ASIC2: variants seen among roughly 807,000 people sequenced by gnomAD.
ASIC2 encodes the protein acid sensing ion channel subunit 2.
ASIC2 carries 25 observed loss-of-function variants against 57.3 expected under a neutral mutation model. The ratio of observed to expected loss-of-function variants is 0.44; its 90% CI spans 0.32 to 0.61. The LOEUF is 0.61. Among genes scored for constraint, ASIC2 ranks in the 20% least tolerant of loss-of-function variants. ASIC2 has a pLI of 0.06. For missense variants in ASIC2, 641 were observed against 738.1 expected (o/e 0.87, Z 1.52); for synonymous variants, 319 against 307.5 (o/e 1.04, Z -0.39).
intron 1 of ASIC2, among the ~76,000 whole-genome samples, chr17:33,202,525 C>T (rs1285479452): frequency 6.6e-6 from 1 of 152,154 alleles, no homozygotes; most frequent in African/African-American, 2.4e-5. Context: ...GTCAGCACCT[C>T]CCGTGGGGGT....
At chr17:33,359,049 G>C (rs1353357243) in intron 1 of ASIC2, among the ~76,000 whole-genome samples, 1 of 152,200 alleles carries the variant, frequency 6.6e-6, no homozygotes, top group Admixed American at 6.5e-5. Flanking sequence ...AGCAACAATG[G>C]AAGAGAAAGA....
At chr17:34,130,943 G>A (rs959042319) in intron 1 of ASIC2, among the ~76,000 whole-genome samples, 2 of 152,220 alleles carry the variant, frequency 1.3e-5, no homozygotes, top group African/African-American at 4.8e-5. Flanking sequence ...TTTAAGGAAT[G>A]AGTACAGCGA....
At chr17:33,879,000 C>A (rs908972717) in intron 1 of ASIC2, among the ~76,000 whole-genome samples, 6 of 152,096 alleles carry the variant, frequency 3.9e-5, no homozygotes, top group African/African-American at 1.4e-4. Flanking sequence ...TCATATCCAG[C>A]CAAGCTAAGC....
chr17:33,032,600 C>T (rs757178738), intron 3 of ASIC2, among the ~76,000 whole-genome samples: 2 of 152,014 alleles, frequency 1.3e-5, no homozygotes, highest in Non-Finnish European at 2.9e-5. Flanking sequence ...AGGGATGCAC[C>T]ACCATGCCCA....
intron 1 of ASIC2, among the ~76,000 whole-genome samples, chr17:33,549,550 C>T (rs1915683005): frequency 6.6e-6 from 1 of 152,168 alleles, no homozygotes. Context: ...AGACCAAGAC[C>T]TTCCTTTCAA....
intron 1 of ASIC2, chr17:34,041,358 C>T (rs142270097): frequency 2.0e-5 from 3 of 152,292 alleles, no homozygotes; most frequent in East Asian, 3.9e-4. Context: ...ACAAGAGCCT[C>T]TCCACAGAGT....
chr17:33,507,577 C>T (rs556014646), intron 1 of ASIC2, among the ~76,000 whole-genome samples: 44 of 152,086 alleles, frequency 2.9e-4, no homozygotes, highest in African/African-American at 9.6e-4. Context: ...TCATTCTCAT[C>T]GTTTTCTCTT....
intron 1 of ASIC2, among the ~76,000 whole-genome samples, chr17:33,462,129 G>C (rs1912658130): frequency 2.0e-5 from 3 of 152,168 alleles, no homozygotes; most frequent in African/African-American, 7.2e-5. Context: ...GCCAGGCTTT[G>C]GGAACCAGAA....
At chr17:33,864,052 C>A (rs1265945811) in intron 1 of ASIC2, among the ~76,000 whole-genome samples, 1 of 151,916 alleles carries the variant, frequency 6.6e-6, no homozygotes, top group African/African-American at 2.4e-5. Flanking sequence ...TACAGGCAAG[C>A]ACTATTATGC....
intron 3 of ASIC2, among the ~76,000 whole-genome samples, chr17:33,079,181 A>G (rs968845220): frequency 2.0e-5 from 3 of 152,234 alleles, no homozygotes; most frequent in African/African-American, 7.2e-5. Flanking sequence ...AATATGAAGA[A>G]TAGAAGTATG....
At chr17:33,027,205 C>T (rs116134260) in intron 4 of ASIC2, among the ~76,000 whole-genome samples, 1,549 of 152,242 alleles carry the variant, frequency 0.01, 25 homozygotes, top group African/African-American at 0.035. Context: ...AAGTTTGCAT[C>T]TCCCTGACCC....
At chr17:33,497,899 A>G (rs929779967) in intron 1 of ASIC2, among the ~76,000 whole-genome samples, 1 of 152,210 alleles carries the variant, frequency 6.6e-6, no homozygotes, top group South Asian at 2.1e-4. Flanking sequence ...CTTCCCCACA[A>G]GCTCTGAATT....
intron 3 of ASIC2, among the ~76,000 whole-genome samples, chr17:33,070,404 G>A (rs1365800473): frequency 6.8e-6 from 1 of 147,552 alleles, no homozygotes; most frequent in Admixed American, 6.9e-5. Context: ...GTGGTGTGAT[G>A]TCAGCTCACT....
rs537922410 is a variant in ASIC2, at chr17:33,752,538, A to G, written c.555+403440T>C. 5.3e-5 allele frequency among the ~76,000 whole-genome samples: 8 copies of G among 152,364 alleles called. No homozygotes were observed. The East Asian group carries it at 1.5e-3, about 29-fold the overall frequency. ...ACTAGCAACATAAGCAACCCAATTAAAAAATGGGCCAATGATCTTAACAGA... is the reference window on the plus strand; with the variant it reads ...ACTAGCAACATAAGCAACCCAATTAGAAAATGGGCCAATGATCTTAACAGA... On this transcript the variant is annotated intron_variant, in intron 1 of 9. Coordinates refer to the ASIC2 transcript ENST00000359872.
At chr17:33,754,566 T>C (rs1910533392) in intron 1 of ASIC2, among the ~76,000 whole-genome samples, 1 of 152,170 alleles carries the variant, frequency 6.6e-6, no homozygotes, top group Non-Finnish European at 1.5e-5. Flanking sequence ...ATGCTGTTGT[T>C]CCTTCTCAGC....
In ASIC2 at chr17:34,014,260, C is replaced by T. The variant is rs185290115; in HGVS notation, c.555+141718G>A. ...GCTTCTACAGGAGAGGAAATCAAGG[C>T]ACAGAGAGGTTAACTTGATGGTCAC... On this transcript the variant is annotated intron_variant, in intron 1 of 9. Coordinates refer to the ASIC2 transcript ENST00000359872. 1.2e-4 allele frequency among the ~76,000 whole-genome samples: 19 copies of T among 152,296 alleles called. No individual in the cohort carries two copies. In the East Asian group the frequency reaches 3.5e-3, roughly 28 times the overall value.
At chr17:33,315,167 G>A (rs1906594196) in intron 1 of ASIC2, among the ~76,000 whole-genome samples, 2 of 152,152 alleles carry the variant, frequency 1.3e-5, no homozygotes, top group Non-Finnish European at 2.9e-5. Flanking sequence ...AATTAAATGT[G>A]ATGTGGTATG....
At chr17:33,806,550 C>G (rs12603938) in intron 1 of ASIC2, among the ~76,000 whole-genome samples, 13,729 of 152,248 alleles carry the variant, frequency 0.09, 700 homozygotes, top group East Asian at 0.19. Flanking sequence ...TGTTAAGGAG[C>G]CTGCTTCTTT....
At chr17:33,859,221 A>G (rs1045658893) in intron 1 of ASIC2, among the ~76,000 whole-genome samples, 1 of 152,208 alleles carries the variant, frequency 6.6e-6, no homozygotes, top group Admixed American at 6.5e-5. Context: ...ATGATAGTGA[A>G]TAACATGTCC....
Sources: gnomAD v4.1 joint callset for allele counts (sites outside exome capture counted in the v4.1 genomes callset) on GRCh38, gnomAD v4.1.1 for gene constraint, MANE v1.5 for transcripts, NCBI Gene and HGNC (gene_info 2026-07-23, HGNC 2026-07-21) for gene names.